The following UBAP2 variants were observed in gnomAD, a reference collection of about 807,000 sequenced individuals.
The protein encoded by UBAP2 is ubiquitin-associated protein 2.
A neutral mutation model predicts 139.6 loss-of-function variants in UBAP2; 75 were observed. The observed-to-expected ratio is 0.54, with a 90% CI of 0.45 to 0.65. The LOEUF is 0.65. UBAP2 is among the 30% of genes least tolerant of loss of function. The probability of loss-of-function intolerance (pLI) is 0.00; values close to 1 mark genes in which losing one functional copy is unlikely to be tolerated. For synonymous variants in UBAP2, 526 were observed against 526.2 expected (o/e 1.00, Z 0.01); for missense variants, 1,368 against 1,369.6 (o/e 1.00, Z 0.02).
chr9:33,980,119 G>T (rs1459240087), intron 6 of UBAP2, among the ~76,000 whole-genome samples: 2 of 150,334 alleles, frequency 1.3e-5, no homozygotes, highest in African/African-American at 4.9e-5. Context: ...TTCAAGCAAA[G>T]CTGGCAAACA....
At position 33,989,000 on chromosome 9, in the gene UBAP2, C is replaced by G. The variant is rs374821095; in HGVS notation, c.415G>C (p.Gly139Arg). 6.2e-7 allele frequency: 1 copy of G among 1,613,478 alleles called. No homozygotes were observed. Among genetic ancestry groups the G allele is most frequent in the Non-Finnish European group, 8.5e-7 (1 of 1,179,870 alleles). The change falls in exon 5 of 29, where the codon GGA becomes CGA. Residue 139 changes from glycine to arginine, a missense_variant. Transcript: ENST00000379238. ...SRGRGNNNRK[G>R]RGGNRGREFR... Reference sequence around the variant, plus strand: ...TCTCTGCCACGATTGCCGCCTCTTCCTTTCCGGTTGTTGTTTCCACGTCCA... The same window carrying G: ...TCTCTGCCACGATTGCCGCCTCTTCGTTTCCGGTTGTTGTTTCCACGTCCA...
At chr9:34,017,740 C>T (rs1824500281) in intron 1 of UBAP2, among the ~76,000 whole-genome samples, 1 of 152,106 alleles carries the variant, frequency 6.6e-6, no homozygotes, top group Non-Finnish European at 1.5e-5. Context: ...TGCTGGCTAA[C>T]ACAATGAAAC....
chr9:33,924,120 T>C, intron 23 of UBAP2, 86 bp downstream of exon 23: 1 of 1,586,046 alleles, frequency 6.3e-7, no homozygotes, highest in Non-Finnish European at 8.6e-7. Flanking sequence ...AAGAGGCCTC[T>C]CTCAGCTTGC....
At chr9:34,010,135 A>C (rs1335193897) in intron 2 of UBAP2, among the ~76,000 whole-genome samples, 1 of 149,466 alleles carries the variant, frequency 6.7e-6, no homozygotes, top group Admixed American at 6.6e-5. Context: ...AAAAAAAAAA[A>C]AAAAACAGCC....
chr9:34,034,681 T>A (rs1342859459), intron 1 of UBAP2, among the ~76,000 whole-genome samples: 1 of 152,132 alleles, frequency 6.6e-6, no homozygotes. Flanking sequence ...AAGACCATCC[T>A]GGCTAACATG....
chr9:34,000,155 C>A lies in UBAP2; in HGVS notation c.100-1291G>T, dbSNP rs1193869610. 3.9e-5 allele frequency among the ~76,000 whole-genome samples: 6 copies of A among 152,052 alleles called. No individual in the cohort carries two copies. In the East Asian group the frequency reaches 1.2e-3, roughly 29 times the overall value. On this transcript the variant is annotated intron_variant, in intron 2 of 28. Coordinates refer to ENST00000379238, the MANE Select transcript of UBAP2 (RefSeq NM_001370062.2). Reference sequence around the variant, plus strand: ...TAAAGGTAGGGTCTCATTCTGTCCCCTCAGACTGCGGTGTAGTGATGCCAT... The same window carrying A: ...TAAAGGTAGGGTCTCATTCTGTCCCATCAGACTGCGGTGTAGTGATGCCAT...
chr9:33,972,521 G>C (rs1329591897), intron 7 of UBAP2, among the ~76,000 whole-genome samples: 1 of 152,198 alleles, frequency 6.6e-6, no homozygotes, highest in Non-Finnish European at 1.5e-5. Context: ...TGAAGTTAGA[G>C]AGAGACAAAG....
At chr9:34,035,933 G>T (rs1826327896) in intron 1 of UBAP2, among the ~76,000 whole-genome samples, 1 of 151,680 alleles carries the variant, frequency 6.6e-6, no homozygotes. Flanking sequence ...CTTGAGCCCA[G>T]GTAGGTTAAG....
intron 18 of UBAP2, 121 bp from the exon 19 acceptor site, chr9:33,932,749 C>T: frequency 9.9e-7 from 1 of 1,006,680 alleles, no homozygotes; most frequent in South Asian, 1.5e-5. Context: ...GGACCGGCTT[C>T]AGACCCATCC....
intron 13 of UBAP2, 84 bp from the exon 14 acceptor site, chr9:33,944,723 A>G: frequency 7.0e-7 from 1 of 1,436,356 alleles, no homozygotes; most frequent in Non-Finnish European, 9.4e-7. Flanking sequence ...ATTACCACCA[A>G]TTTCTCCAAA....
At chr9:34,008,249 C>T (rs112090222) in intron 2 of UBAP2, among the ~76,000 whole-genome samples, 10 of 148,864 alleles carry the variant, frequency 6.7e-5, no homozygotes, top group African/African-American at 2.5e-4. Flanking sequence ...ACCCAAGAGG[C>T]GAAGGTTGCG....
chr9:33,944,657 C>T lies in UBAP2; in HGVS notation c.1271-18G>A. The T allele has an allele frequency of 6.2e-7, 1 of 1,609,150 alleles. No homozygotes were observed. Among genetic ancestry groups the T allele is most frequent in the Non-Finnish European group, 8.5e-7 (1 of 1,176,242 alleles). On this transcript the variant is annotated intron_variant, in intron 13 of 28. Coordinates refer to ENST00000379238, the MANE Select transcript of UBAP2 (RefSeq NM_001370062.2). ...TTTGAAGTCTAAAAAAAGTAAGCAG[C>T]AATTAATGAGGCATAATGGCTTCAC... is the stretch of plus-strand genomic sequence containing the variant.
chr9:33,928,894 G>A (rs1823721831), intron 19 of UBAP2: 1 of 152,442 alleles, frequency 6.6e-6, no homozygotes, highest in South Asian at 2.1e-4. Context: ...CAACCTGCCT[G>A]CGCAGACTAA....
chr9:34,032,916 C>CAAAAAAAAA (rs71506153), intron 1 of UBAP2, among the ~76,000 whole-genome samples: 2 of 118,074 alleles, frequency 1.7e-5, no homozygotes, highest in Non-Finnish European at 1.7e-5. Context: ...ACCCTGTCTT[C>CAAAAAAAAA]AAAAAAAAAA....
rs973471746 is a variant in UBAP2, at chr9:33,943,982, G to A, written c.1545+383C>T. Among the ~76,000 whole-genome samples the A allele has an allele frequency of 6.6e-5, 10 of 152,130 alleles. 1 individual carries two copies. Among genetic ancestry groups the A allele is most frequent in the East Asian group, 3.9e-4 (2 of 5,194 alleles). On this transcript the variant is annotated intron_variant, in intron 14 of 28. Transcript: ENST00000379238. ...CACCACCTGCATCTAAGAGCAATGC[G>A]GGGGAGTTGTGATGGTGGGTGGGAA...
intron 12 of UBAP2, among the ~76,000 whole-genome samples, chr9:33,949,142 G>A (rs189130081): frequency 7.8e-6 from 1 of 128,944 alleles, no homozygotes; most frequent in African/African-American, 2.5e-5. Context: ...ACTACAGCCT[G>A]GGCGACAGAG....
intron 9 of UBAP2, 112 bp from the exon 10 acceptor site, chr9:33,960,990 T>A (rs1325525949): frequency 8.5e-6 from 8 of 940,472 alleles, no homozygotes; most frequent in Non-Finnish European, 1.4e-5. Context: ...TACGCCTCAC[T>A]AGCAATTTAG....
intron 1 of UBAP2, among the ~76,000 whole-genome samples, chr9:34,019,459 A>G (rs1301486641): frequency 6.6e-6 from 1 of 152,134 alleles, no homozygotes; most frequent in Non-Finnish European, 1.5e-5. Context: ...CAAGTTACTT[A>G]GAAAAGTCAA....
chr9:33,992,653 G>T (rs1277277227), intron 4 of UBAP2, among the ~76,000 whole-genome samples: 1 of 70,100 alleles, frequency 1.4e-5, no homozygotes. Context: ...CAACTTATCG[G>T]GCGGAGGGGG....
Sources: allele counts gnomAD v4.1 joint callset (sites outside exome capture counted in the v4.1 genomes callset), GRCh38; gene constraint gnomAD v4.1.1; transcripts MANE v1.5; gene names NCBI Gene and HGNC (gene_info 2026-07-23, HGNC 2026-07-21).